HLF: variants seen among roughly 807,000 people sequenced by gnomAD.
The protein encoded by HLF is hepatic leukemia factor.
Under a neutral mutation model 22.6 loss-of-function variants are expected in HLF, and 3 were observed. That is an observed-to-expected ratio of 0.13 (90% CI 0.06 to 0.34). The LOEUF is 0.34. Ranked by LOEUF, HLF falls within the 10% of genes least tolerant of loss-of-function variation. The pLI is 1.00. For missense variants in HLF, 299 were observed against 389.2 expected (o/e 0.77, Z 1.95); for synonymous variants, 151 against 151.8 (o/e 0.99, Z 0.04).
chr17:55,320,751 G>A lies in HLF; in HGVS notation c.760G>A (p.Ala254Thr), dbSNP rs1161502408. 3 of 1,614,040 alleles carry A rather than the reference G, an allele frequency of 1.9e-6. No individual in the cohort carries two copies. The highest frequency in any genetic ancestry group is 1.1e-5 in the South Asian group (1 of 91,052). Residue 254 changes from alanine to threonine, a missense_variant, in exon 4 of 4, where the codon GCC becomes ACC. Transcript: ENST00000226067. This position sits in a 1 kb window ranked among gnomAD's most constrained non-coding sequence, Gnocchi z 4.2. ...CCGGAGGCTGAAAGAGAACCAGATC[G>A]CCATCCGGGCCTCGTTCCTGGAGAA... ...DARRLKENQI[A>T]IRASFLEKEN...
intron 2 of HLF, among the ~76,000 whole-genome samples, chr17:55,273,831 T>C (rs1340177758): frequency 6.6e-6 from 1 of 151,778 alleles, no homozygotes; most frequent in Non-Finnish European, 1.5e-5. Flanking sequence ...CAAGCAATTG[T>C]AATCCTGACC....
At chr17:55,286,219 A>G (rs754878012) in intron 2 of HLF, among the ~76,000 whole-genome samples, 15 of 152,208 alleles carry the variant, frequency 9.9e-5, no homozygotes, top group Non-Finnish European at 2.1e-4. Flanking sequence ...GGAATGGCAA[A>G]CACTGTTAAA....
chr17:55,312,517 GAAAAA>G (rs1904878386), intron 2 of HLF, among the ~76,000 whole-genome samples: 1 of 152,134 alleles, frequency 6.6e-6, no homozygotes, highest in African/African-American at 2.4e-5. Context: ...CCTTTAAAAA[GAAAAA>G]GTAGTTTTAT....
In HLF at chr17:55,265,345, TTTTTTTC is replaced by T; in HGVS notation, c.-137_-131del. 1.6e-6 allele frequency: 1 copy of T among 606,696 alleles called. No homozygotes were observed. 37.6% of individuals were successfully genotyped at this position (606,696 alleles called of 1,614,324 possible). ...GATGTATTTATAAAGATATAAGTAA[TTTTTTTC>T]TTCCCTTTTCTCCACCGCCTTGAGA... On this transcript the variant is annotated 5_prime_UTR_variant, in exon 1 of 4. Coordinates refer to ENST00000226067, the MANE Select transcript of HLF (RefSeq NM_002126.5).
At chr17:55,307,830 T>TAA (rs11383235) in intron 2 of HLF, among the ~76,000 whole-genome samples, 335 of 136,152 alleles carry the variant, frequency 2.5e-3, no homozygotes, top group South Asian at 5.6e-3. Context: ...ATAAATATTG[T>TAA]AAAAAAAAAA....
intron 2 of HLF, among the ~76,000 whole-genome samples, chr17:55,270,898 T>C (rs549930370): frequency 1.4e-3 from 218 of 152,118 alleles, no homozygotes; most frequent in African/African-American, 3.6e-3. Context: ...CGCCTCGGCC[T>C]CCCAAAGTGC....
rs930687914 is a variant in HLF at position 55,315,592 on chromosome 17, A to C, written c.672+145A>C. ...TCCTGTTTCTTGGCATGTGACTTCT[A>C]GGCCAGTTGTTTCCTCTCTGGGTAT... On this transcript the variant is annotated intron_variant, in intron 3 of 3. Coordinates refer to ENST00000226067, the MANE Select transcript of HLF (RefSeq NM_002126.5). The C allele has an allele frequency of 7.7e-6, 5 of 653,480 alleles. No homozygotes were observed. The East Asian group carries it at 1.1e-4, about 14-fold the overall frequency. 40.5% of individuals were successfully genotyped at this position (653,480 alleles called of 1,614,324 possible).
Position 55,315,945 on chromosome 17 carries a change from C to T in HLF, c.672+498C>T, listed in dbSNP as rs141743505. On this transcript the variant is annotated intron_variant, in intron 3 of 3. Coordinates refer to ENST00000226067, the MANE Select transcript of HLF (RefSeq NM_002126.5). ...CCTCCATATTGCCAACCTTGGATGA[C>T]CAGGGTGGGATTTTGTGAAGGAAAC... 1.1e-3 allele frequency among the ~76,000 whole-genome samples: 175 copies of T among 152,178 alleles called. 2 individuals are homozygous for T. The highest frequency in any genetic ancestry group is 6.3e-4 in the Non-Finnish European group (43 of 68,020).
In HLF at chr17:55,265,366, A is replaced by G; in HGVS notation, c.-119A>G. On this transcript the variant is annotated 5_prime_UTR_variant, in exon 1 of 4. Coordinates refer to ENST00000226067, the MANE Select transcript of HLF (RefSeq NM_002126.5). ...GTAATTTTTTTCTTCCCTTTTCTCC[A>G]CCGCCTTGAGAGCGAGTACTTTTGG... is the stretch of plus-strand genomic sequence containing the variant. The G allele has an allele frequency of 1.6e-6, 1 of 632,492 alleles. No homozygotes were observed. The highest frequency in any genetic ancestry group is 1.8e-5 in the South Asian group (1 of 54,568). The allele number at this position is 632,492 out of a possible 1,614,324, so 39.2% of individuals were successfully genotyped here.
chr17:55,312,544 T>C (rs1567825216), intron 2 of HLF, among the ~76,000 whole-genome samples: 1 of 152,190 alleles, frequency 6.6e-6, no homozygotes, highest in Non-Finnish European at 1.5e-5. Context: ...TGTACTAACA[T>C]TGGAAATTGC....
chr17:55,311,254 G>GT (rs1478044048), intron 2 of HLF, among the ~76,000 whole-genome samples: 2 of 152,032 alleles, frequency 1.3e-5, no homozygotes, highest in Non-Finnish European at 2.9e-5. Context: ...TATAACAATA[G>GT]TAAGACCAGC....
At chr17:55,306,365 A>G (rs1380358488) in intron 2 of HLF, among the ~76,000 whole-genome samples, 2 of 152,208 alleles carry the variant, frequency 1.3e-5, no homozygotes, top group East Asian at 3.8e-4. Flanking sequence ...CTGGCTTAGC[A>G]TCATGCTTTA....
intron 3 of HLF, among the ~76,000 whole-genome samples, chr17:55,315,999 A>G (rs970206176): frequency 2.0e-5 from 3 of 152,194 alleles, no homozygotes; most frequent in Non-Finnish European, 4.4e-5. Context: ...ATTTATATGT[A>G]TCTTAAGTAA....
intron 2 of HLF, among the ~76,000 whole-genome samples, chr17:55,288,121 G>A (rs1038940781): frequency 4.6e-5 from 7 of 151,984 alleles, no homozygotes; most frequent in Non-Finnish European, 1.0e-4. Context: ...TGTTTTTCTC[G>A]TGACTGTTTC....
At chr17:55,265,647 G>A (rs748367631) in intron 1 of HLF, 48 bp downstream of exon 1, 29 of 1,369,792 alleles carry the variant, frequency 2.1e-5, no homozygotes, top group Non-Finnish European at 2.7e-5. Context: ...CGCTCCGGGG[G>A]TCCCCCTCCG....
chr17:55,307,771 G>T lies in HLF; in HGVS notation c.452-7456G>T, dbSNP rs541063768. Among the ~76,000 whole-genome samples, 8 of 150,188 alleles carry T rather than the reference G, an allele frequency of 5.3e-5. No individual in the cohort carries two copies. In the South Asian group the frequency reaches 1.7e-3, roughly 32 times the overall value. ...TGTGGGGCTTACATGGGAGTGGAGG[G>T]AAGAGATCAGCAATATCAAACAAAT... On this transcript the variant is annotated intron_variant, in intron 2 of 3. Transcript: ENST00000226067.
At chr17:55,275,156 C>T (rs999312777) in intron 2 of HLF, among the ~76,000 whole-genome samples, 5 of 152,098 alleles carry the variant, frequency 3.3e-5, no homozygotes, top group Non-Finnish European at 5.9e-5. Flanking sequence ...AGAGCAGTGG[C>T]GCGATCATGG....
At chr17:55,304,552 T>C (rs749472604) in intron 2 of HLF, among the ~76,000 whole-genome samples, 20 of 152,218 alleles carry the variant, frequency 1.3e-4, no homozygotes, top group Non-Finnish European at 1.8e-4. Context: ...AGAGGCCTTG[T>C]TAATCCAGCC....
chr17:55,291,260 C>T (rs1010592426), intron 2 of HLF, among the ~76,000 whole-genome samples: 1 of 152,192 alleles, frequency 6.6e-6, no homozygotes, highest in Admixed American at 6.5e-5. Context: ...GAAGAAGACA[C>T]CATGTAAAAG....
Sources: allele counts gnomAD v4.1 joint callset (sites outside exome capture counted in the v4.1 genomes callset), GRCh38; gene constraint gnomAD v4.1.1; non-coding constraint Gnocchi (gnomAD v3.1); transcripts MANE v1.5; gene names NCBI Gene and HGNC (gene_info 2026-07-23, HGNC 2026-07-21).